The following ZUP1 variants were observed in gnomAD, a reference collection of about 807,000 sequenced individuals.
ZUP1 encodes the protein zinc finger-containing ubiquitin peptidase 1.
A neutral mutation model predicts 68.1 loss-of-function variants in ZUP1; 55 were observed. The observed-to-expected ratio is 0.81, with a 90% CI of 0.65 to 1.01. The LOEUF (loss-of-function observed/expected upper bound fraction) is 1.01, where lower values mean the gene tolerates loss of function less well. ZUP1 is among the 50% of genes least tolerant of loss of function. The pLI is 0.00. For synonymous variants in ZUP1, 223 were observed against 221.5 expected, an observed-to-expected ratio of 1.01 and a Z score of -0.06; for missense variants, 684 against 674.9, an observed-to-expected ratio of 1.01 and a Z score of -0.15.
At chr6:116,642,569 G>A (rs369012464) in intron 9 of ZUP1, among the ~76,000 whole-genome samples, 3 of 152,068 alleles carry the variant, frequency 2.0e-5, no homozygotes, top group Non-Finnish European at 2.9e-5. Flanking sequence ...AATATAAACA[G>A]AACCAAAGAC....
intron 2 of ZUP1, 108 bp downstream of exon 2, chr6:116,666,526 G>T: frequency 2.5e-6 from 2 of 799,256 alleles, no homozygotes; most frequent in Admixed American, 3.3e-5. Context: ...ACATAAAATG[G>T]ATTTCAAAAC....
intron 3 of ZUP1, 50 bp from the exon 4 acceptor site, chr6:116,658,974 ATTAT>A (rs1776753412): frequency 7.1e-7 from 1 of 1,406,704 alleles, no homozygotes; most frequent in Non-Finnish European, 9.6e-7. Context: ...GCAATCAAAG[ATTAT>A]TTATTATTTA....
At chr6:116,667,586 T>G (rs1777050916) in intron 1 of ZUP1, among the ~76,000 whole-genome samples, 1 of 152,078 alleles carries the variant, frequency 6.6e-6, no homozygotes, top group Non-Finnish European at 1.5e-5. Context: ...CTGAAGCTGA[T>G]TATATTGAGG....
chr6:116,668,387 G>C (rs1037960480), intron 1 of ZUP1, among the ~76,000 whole-genome samples, 179 bp downstream of exon 1: 2 of 152,330 alleles, frequency 1.3e-5, no homozygotes, highest in South Asian at 4.1e-4. Flanking sequence ...AAGCGAGTGA[G>C]AGGCATGAAG....
intron 7 of ZUP1, among the ~76,000 whole-genome samples, chr6:116,649,088 C>T (rs1162593717): frequency 6.6e-6 from 1 of 151,712 alleles, no homozygotes; most frequent in African/African-American, 2.4e-5. Flanking sequence ...AGGAGAAAAG[C>T]AGGAATAAAT....
chr6:116,655,817 A>G (rs1776646008), intron 5 of ZUP1, among the ~76,000 whole-genome samples: 1 of 152,196 alleles, frequency 6.6e-6, no homozygotes, highest in African/African-American at 2.4e-5. Flanking sequence ...CAATGTATAT[A>G]GAGTTGTTAG....
rs1039108717 is a variant in ZUP1 at position 116,651,814 on chromosome 6, C to T, written c.1151-77G>A. 1.5e-5 allele frequency: 23 copies of T among 1,533,024 alleles called. No homozygotes were observed. In the East Asian group the frequency reaches 3.4e-4, roughly 23 times the overall value. 95.0% of individuals were successfully genotyped at this position (1,533,024 alleles called of 1,614,324 possible). On this transcript the variant is annotated intron_variant, in intron 6 of 9. Transcript: ENST00000368576. ...AATATTTAGCAGTGTATTATGTACT[C>T]GGGGAACTTTACGGTTTTTAAGACA...
At chr6:116,659,016 C>T (rs1304065867) in intron 3 of ZUP1, 92 bp from the exon 4 acceptor site, 1 of 1,136,866 alleles carries the variant, frequency 8.8e-7, no homozygotes. Context: ...AGAGTAAATG[C>T]TGTTATTTGC....
intron 5 of ZUP1, among the ~76,000 whole-genome samples, chr6:116,652,933 G>T (rs1776558886): frequency 6.6e-6 from 1 of 151,954 alleles, no homozygotes; most frequent in Non-Finnish European, 1.5e-5. Context: ...TTTTGGCTGT[G>T]GCCTAACTGA....
intron 2 of ZUP1, among the ~76,000 whole-genome samples, chr6:116,663,054 T>C (rs1776894550): frequency 6.6e-6 from 1 of 152,144 alleles, no homozygotes; most frequent in Non-Finnish European, 1.5e-5. Context: ...TCCTTTACCC[T>C]AATTTACCAA....
At chr6:116,666,121 A>T (rs1777001080) in intron 2 of ZUP1, among the ~76,000 whole-genome samples, 1 of 152,214 alleles carries the variant, frequency 6.6e-6, no homozygotes, top group East Asian at 1.9e-4. Flanking sequence ...ATCTGAACAT[A>T]AACAACAGGA....
At chr6:116,667,733 C>T (rs1401238665) in intron 1 of ZUP1, among the ~76,000 whole-genome samples, 2 of 152,100 alleles carry the variant, frequency 1.3e-5, no homozygotes, top group Non-Finnish European at 2.9e-5. Context: ...AATTCTGGCT[C>T]AGACAGGTCA....
At chr6:116,645,149 T>C (rs1302887715) in intron 9 of ZUP1, among the ~76,000 whole-genome samples, 1 of 151,790 alleles carries the variant, frequency 6.6e-6, no homozygotes, top group Non-Finnish European at 1.5e-5. Flanking sequence ...TTAAATTAAA[T>C]TAAACACTTT....
At chr6:116,644,778 A>G (rs1776236039) in intron 9 of ZUP1, among the ~76,000 whole-genome samples, 1 of 151,996 alleles carries the variant, frequency 6.6e-6, no homozygotes, top group African/African-American at 2.4e-5. Flanking sequence ...ATCATGGCAC[A>G]TGTATACATA....
At chr6:116,651,521 C>G in intron 7 of ZUP1, 51 bp downstream of exon 7, 1 of 1,467,632 alleles carries the variant, frequency 6.8e-7, no homozygotes, top group Non-Finnish European at 9.1e-7. Context: ...TTTTACAAAA[C>G]AAAGCTCCCC....
In ZUP1 at chr6:116,647,603, T is replaced by A. The variant is rs760561347; in HGVS notation, c.1324A>T (p.Ile442Phe). ...LLTSLRVKCH[I>F]VDFHKSTGPL... ...CCAGTTGATTTGTGAAAATCAACAA[T>A]ATGACACCTATTAAAAATTGACAAA... The change falls in exon 8 of 10, where the codon ATT (isoleucine) becomes TTT (phenylalanine). Residue 442 changes from isoleucine (I) to phenylalanine (F), a missense_variant. Ile to Phe is a conservative substitution (Grantham distance 21). Transcript: ENST00000368576. 2 of 1,528,474 alleles carry A rather than the reference T, an allele frequency of 1.3e-6. No homozygotes were observed. The highest frequency in any genetic ancestry group is 2.7e-5 in the African/African-American group (2 of 73,190). The allele number at this position is 1,528,474 out of a possible 1,614,324, so 94.7% of individuals were successfully genotyped here. A position where few individuals can be genotyped will look rare whatever the true frequency, so the allele number is the denominator to read the frequency against.
At position 116,658,922 on chromosome 6, in the gene ZUP1, T is replaced by C. The variant is rs564439317; in HGVS notation, c.673A>G (p.Met225Val). 11 of 1,605,548 alleles carry C rather than the reference T, an allele frequency of 6.9e-6. No homozygotes were observed. Among genetic ancestry groups the C allele is most frequent in the African/African-American group, 5.4e-5 (4 of 74,718 alleles). The change falls in exon 4 of 10, where the codon ATG (methionine) becomes GTG (valine). Residue 225 changes from methionine (M) to valine (V), a missense_variant and splice_region_variant. Met to Val is a conservative substitution (Grantham distance 21). Coordinates refer to ENST00000368576, the MANE Select transcript of ZUP1 (RefSeq NM_145062.3). ...HLEENSFQQG[M>V]DRVQCSGDLQ... ...TCACCAGAACACTGGACTCTATCCATGCCTGTTAGGTATTGTTAATGTTCA... is the reference window on the plus strand; with the variant it reads ...TCACCAGAACACTGGACTCTATCCACGCCTGTTAGGTATTGTTAATGTTCA...
chr6:116,649,474 G>C (rs1204928076), intron 7 of ZUP1, among the ~76,000 whole-genome samples: 1 of 152,016 alleles, frequency 6.6e-6, no homozygotes, highest in Non-Finnish European at 1.5e-5. Flanking sequence ...ACATATAAAA[G>C]TAAATAAAAG....
intron 9 of ZUP1, among the ~76,000 whole-genome samples, chr6:116,640,205 C>T (rs1168263527): frequency 4.6e-5 from 7 of 152,090 alleles, no homozygotes; most frequent in Non-Finnish European, 1.0e-4. Flanking sequence ...ACCAAATCTA[C>T]GTCTGATTGG....
Sources: allele counts gnomAD v4.1 joint callset (sites outside exome capture counted in the v4.1 genomes callset), GRCh38; gene constraint gnomAD v4.1.1; transcripts MANE v1.5; gene names NCBI Gene and HGNC (gene_info 2026-07-23, HGNC 2026-07-21).